Variants in CSMD1 observed in about 807,000 individuals in gnomAD.
CSMD1 encodes CUB and sushi domain-containing protein 1.
Under a neutral mutation model 417.5 loss-of-function variants are expected in CSMD1, and 213 were observed. The observed-to-expected ratio is 0.51, with a 90% CI of 0.46 to 0.57. The LOEUF (loss-of-function observed/expected upper bound fraction) is 0.57, where lower values mean the gene tolerates loss of function less well. Among genes scored for constraint, CSMD1 ranks in the 20% least tolerant of loss-of-function variants. The probability of loss-of-function intolerance (pLI) is 0.00; values close to 1 mark genes in which losing one functional copy is unlikely to be tolerated. For synonymous variants in CSMD1, 2,862 were observed against 1,736.8 expected (o/e 1.65, Z -16.11); for missense variants, 6,923 against 4,529.7 (o/e 1.53, Z -15.17).
intron 48 of CSMD1, among the ~76,000 whole-genome samples, chr8:3,089,188 C>G (rs938807034): frequency 1.3e-5 from 2 of 152,202 alleles, no homozygotes; most frequent in African/African-American, 4.8e-5. Flanking sequence ...TCCTTCCACT[C>G]TGCTGGTGCA....
At chr8:3,517,658 G>A (rs10104543) in intron 10 of CSMD1, among the ~76,000 whole-genome samples, 22,169 of 151,994 alleles carry the variant, frequency 0.15, 1,774 homozygotes, top group Admixed American at 0.22. Context: ...AAAGAATTTT[G>A]GTCTAGCTAA....
chr8:3,248,640 C>T (rs916437566), intron 26 of CSMD1, among the ~76,000 whole-genome samples: 1 of 151,186 alleles, frequency 6.6e-6, no homozygotes, highest in Admixed American at 6.6e-5. Context: ...CGCTCCCTCA[C>T]TCTTTTTACT....
intron 8 of CSMD1, among the ~76,000 whole-genome samples, chr8:3,609,779 T>G (rs1417280008): frequency 7.1e-6 from 1 of 140,398 alleles, no homozygotes; most frequent in Non-Finnish European, 1.6e-5. Context: ...AAAGAGAGTC[T>G]CAAAAGAAAA....
intron 6 of CSMD1, among the ~76,000 whole-genome samples, chr8:3,744,939 G>C (rs1348283033): frequency 6.6e-6 from 1 of 152,188 alleles, no homozygotes; most frequent in Non-Finnish European, 1.5e-5. Flanking sequence ...AGGTTTCTAA[G>C]GGCTTTAATG....
At chr8:3,907,935 T>C (rs930407400) in intron 5 of CSMD1, among the ~76,000 whole-genome samples, 1 of 152,124 alleles carries the variant, frequency 6.6e-6, no homozygotes, top group African/African-American at 2.4e-5. Context: ...ATTCACTGAT[T>C]GATTTTTTTG....
At chr8:3,207,437 C>A (rs949758010) in intron 30 of CSMD1, among the ~76,000 whole-genome samples, 17 of 151,956 alleles carry the variant, frequency 1.1e-4, no homozygotes, top group African/African-American at 4.1e-4. Flanking sequence ...GCCACTGAGT[C>A]CGGCCACAAT....
At chr8:3,176,964 G>C (rs564146344) in intron 37 of CSMD1, among the ~76,000 whole-genome samples, 1 of 151,864 alleles carries the variant, frequency 6.6e-6, no homozygotes, top group Non-Finnish European at 1.5e-5. Context: ...TTTTTATAGA[G>C]ATGAGGTTTT....
intron 2 of CSMD1, among the ~76,000 whole-genome samples, chr8:4,518,514 G>A (rs1803246774): frequency 6.6e-6 from 1 of 151,356 alleles, no homozygotes; most frequent in Non-Finnish European, 1.5e-5. Context: ...ACTATCGCAA[G>A]GACAAAAAAC....
intron 3 of CSMD1, among the ~76,000 whole-genome samples, chr8:4,133,609 C>T (rs1803241859): frequency 6.6e-6 from 1 of 152,132 alleles, no homozygotes; most frequent in South Asian, 2.1e-4. Context: ...ATCTTTCATG[C>T]TAAGCATTGT....
intron 3 of CSMD1, among the ~76,000 whole-genome samples, chr8:4,217,066 G>A (rs1585040769): frequency 6.6e-6 from 1 of 152,162 alleles, no homozygotes; most frequent in Non-Finnish European, 1.5e-5. Flanking sequence ...GTAGTGTCCT[G>A]TGTCTGTTAT....
intron 23 of CSMD1, among the ~76,000 whole-genome samples, chr8:3,320,375 C>T (rs914999553): frequency 1.3e-5 from 2 of 152,046 alleles, no homozygotes; most frequent in African/African-American, 4.8e-5. Context: ...TTGCTTGGCT[C>T]CCCCATGCTG....
intron 2 of CSMD1, among the ~76,000 whole-genome samples, chr8:4,427,805 C>T (rs143391165): frequency 3.9e-5 from 6 of 152,232 alleles, no homozygotes; most frequent in Middle Eastern, 3.4e-3. Flanking sequence ...ATAACCCATA[C>T]AAATATATGC....
intron 57 of CSMD1, among the ~76,000 whole-genome samples, chr8:2,972,286 G>A (rs1804526855): frequency 6.6e-6 from 1 of 152,208 alleles, no homozygotes; most frequent in South Asian, 2.1e-4. Flanking sequence ...TTGATAGTGT[G>A]TATGTGAGCT....
Position 3,409,409 on chromosome 8 carries a change from G to T in CSMD1, c.1744+14C>A. On this transcript the variant is annotated intron_variant, in intron 13 of 69. Transcript: ENST00000635120. ...CAGGACAGGAGGGAGTCCAGGTCAAGGCATAATACTCACATACACAGCTGG... is the reference window on the plus strand; with the variant it reads ...CAGGACAGGAGGGAGTCCAGGTCAATGCATAATACTCACATACACAGCTGG... The T allele has an allele frequency of 6.2e-7, 1 of 1,600,028 alleles. No individual in the cohort carries two copies. The highest frequency in any genetic ancestry group is 8.5e-7 in the Non-Finnish European group (1 of 1,172,476).
chr8:3,879,857 C>T (rs982834231), intron 5 of CSMD1, among the ~76,000 whole-genome samples: 1 of 149,072 alleles, frequency 6.7e-6, no homozygotes, highest in East Asian at 1.9e-4. Flanking sequence ...GTGTGTGTTG[C>T]GTTTTAGTCT....
At chr8:4,194,188 A>C (rs1323054911) in intron 3 of CSMD1, among the ~76,000 whole-genome samples, 1 of 152,178 alleles carries the variant, frequency 6.6e-6, no homozygotes, top group Non-Finnish European at 1.5e-5. Flanking sequence ...TGTACATGTC[A>C]TACCTGACAC....
chr8:4,261,677 T>C (rs1803893759), intron 3 of CSMD1, among the ~76,000 whole-genome samples: 1 of 152,196 alleles, frequency 6.6e-6, no homozygotes, highest in Admixed American at 6.5e-5. Context: ...CCCAAAATGC[T>C]GGGACTACAG....
intron 5 of CSMD1, among the ~76,000 whole-genome samples, chr8:3,762,853 G>A (rs1056967000): frequency 6.6e-6 from 1 of 152,190 alleles, no homozygotes; most frequent in Non-Finnish European, 1.5e-5. Flanking sequence ...AAGCAGCCGA[G>A]ACACGGTGGA....
chr8:4,788,362 C>G, intron 1 of CSMD1: 1 of 1,479,924 alleles, frequency 6.8e-7, no homozygotes, highest in Non-Finnish European at 9.3e-7. Context: ...ATCACCTGTC[C>G]TCCCCTCACA....
Sources: gnomAD v4.1 joint callset for allele counts (sites outside exome capture counted in the v4.1 genomes callset) on GRCh38, gnomAD v4.1.1 for gene constraint, MANE v1.5 for transcripts, NCBI Gene and HGNC (gene_info 2026-07-23, HGNC 2026-07-21) for gene names.